ASPH: variants seen among roughly 807,000 people sequenced by gnomAD.
ASPH encodes the protein aspartate beta-hydroxylase, also known as aspartyl/asparaginyl beta-hydroxylase.
In ASPH, 100 loss-of-function variants were observed where a neutral mutation model predicts 118.4. The observed-to-expected ratio is 0.84, with a 90% confidence interval of 0.72 to 1.00. The LOEUF (loss-of-function observed/expected upper bound fraction) is 1.00, where lower values mean the gene tolerates loss of function less well. ASPH is among the 50% of genes least tolerant of loss of function. The pLI, the probability that ASPH is intolerant of heterozygous loss-of-function variation, is 0.00. For synonymous variants in ASPH, 315 were observed against 325.6 expected (o/e 0.97, Z 0.35); for missense variants, 920 against 919.5 (o/e 1.00, Z -0.01).
intron 14 of ASPH, among the ~76,000 whole-genome samples, chr8:61,616,440 C>T (rs552105214): frequency 2.0e-5 from 3 of 152,326 alleles, no homozygotes; most frequent in Admixed American, 6.5e-5. Flanking sequence ...GCCCACCATT[C>T]GGACTCCCTG....
chr8:61,546,129 C>T (rs532970493), intron 21 of ASPH, among the ~76,000 whole-genome samples: 3 of 152,218 alleles, frequency 2.0e-5, no homozygotes, highest in African/African-American at 4.8e-5. Flanking sequence ...CTCTCTCCCC[C>T]TCTCTTCCAG....
At chr8:61,711,260 A>G (rs575858124) in intron 1 of ASPH, among the ~76,000 whole-genome samples, 20 of 152,282 alleles carry the variant, frequency 1.3e-4, no homozygotes, top group African/African-American at 4.8e-4. Flanking sequence ...TCAAAAGGGA[A>G]AAACTAAACA....
intron 14 of ASPH, among the ~76,000 whole-genome samples, chr8:61,618,279 A>G (rs191611657): frequency 5.5e-4 from 84 of 152,324 alleles, no homozygotes; most frequent in Middle Eastern, 3.4e-3. Context: ...TACAAATTAA[A>G]TTAAAAGCAT....
intron 1 of ASPH, among the ~76,000 whole-genome samples, chr8:61,711,072 G>A (rs1423781996): frequency 1.1e-5 from 1 of 90,006 alleles, no homozygotes; most frequent in African/African-American, 5.2e-5. Context: ...AGTATATACA[G>A]ACGGATTAAA....
intron 21 of ASPH, among the ~76,000 whole-genome samples, chr8:61,537,358 T>C (rs899117724): frequency 1.3e-4 from 20 of 152,180 alleles, no homozygotes; most frequent in African/African-American, 4.6e-4. Context: ...TTGCCTATAA[T>C]GTGTATGTGC....
In ASPH at chr8:61,576,795, G is replaced by A. The variant is rs1426858315; in HGVS notation, c.1126C>T (p.Arg376Ter). Residue 376 changes from arginine (R) to a stop codon, truncating the protein, a stop_gained, in exon 16 of 25, where the codon CGA (arginine) becomes TGA (stop). Coordinates refer to ENST00000379454, the MANE Select transcript of ASPH (RefSeq NM_004318.4). LOFTEE classifies it high-confidence loss of function. ...ACCTGCGCCTTCCCATATCTTGCTC[G>A]TGGACTCTGAGGGTATTTGCGTACT... is the stretch of plus-strand genomic sequence containing the variant. ...ELVRKYPQSPRARYGKAQCED... is the reference protein window; with the variant it reads ...ELVRKYPQSP The A allele has an allele frequency of 4.3e-6, 7 of 1,609,306 alleles. No individual in the cohort carries two copies. The highest frequency in any genetic ancestry group is 2.7e-5 in the African/African-American group (2 of 74,894).
At chr8:61,519,468 T>G (rs1012941266) in intron 22 of ASPH, among the ~76,000 whole-genome samples, 1 of 152,216 alleles carries the variant, frequency 6.6e-6, no homozygotes, top group African/African-American at 2.4e-5. Context: ...ACTGTACTTA[T>G]TTTTTCCCCT....
intron 13 of ASPH, chr8:61,631,983 A>C (rs1402169841): frequency 1.3e-5 from 2 of 153,790 alleles, no homozygotes; most frequent in African/African-American, 4.8e-5. Context: ...ATGGGGTGAC[A>C]GATGTCACAG....
At chr8:61,650,865 T>C (rs182657014) in intron 5 of ASPH, among the ~76,000 whole-genome samples, 185 bp downstream of exon 5, 6 of 152,360 alleles carry the variant, frequency 3.9e-5, no homozygotes, top group Admixed American at 2.6e-4. Flanking sequence ...CACGGTGAAG[T>C]AGAATAAAGT....
At chr8:61,512,934 G>C (rs1809466260) in intron 24 of ASPH, among the ~76,000 whole-genome samples, 1 of 152,122 alleles carries the variant, frequency 6.6e-6, no homozygotes, top group Non-Finnish European at 1.5e-5. Flanking sequence ...TTATGTGTGA[G>C]GGACGTGTAT....
chr8:61,694,061 T>C (rs1364421104), intron 1 of ASPH, among the ~76,000 whole-genome samples: 1 of 152,190 alleles, frequency 6.6e-6, no homozygotes, highest in Non-Finnish European at 1.5e-5. Flanking sequence ...TGCCATTCTT[T>C]ATGATGACTA....
At chr8:61,710,340 G>C (rs1212565708) in intron 1 of ASPH, among the ~76,000 whole-genome samples, 2 of 152,268 alleles carry the variant, frequency 1.3e-5, no homozygotes, top group East Asian at 3.9e-4. Context: ...CAGGGGCTAA[G>C]TATCTGATAT....
intron 16 of ASPH, among the ~76,000 whole-genome samples, chr8:61,567,907 G>A (rs1832279392): frequency 6.6e-6 from 1 of 152,166 alleles, no homozygotes; most frequent in South Asian, 2.1e-4. Flanking sequence ...ATTTAATCAG[G>A]ATAATTGGGG....
intron 11 of ASPH, 149 bp downstream of exon 11, chr8:61,638,173 C>A (rs1858729403): frequency 2.8e-5 from 34 of 1,202,530 alleles, no homozygotes; most frequent in Non-Finnish European, 3.8e-5. Flanking sequence ...AGAATATTAA[C>A]TTTAATTTTG....
rs1189162285 is a variant in ASPH, at chr8:61,714,450, T to TGGC, written c.-82_-80dup. 17 of 1,357,728 alleles carry TGGC rather than the reference T, an allele frequency of 1.3e-5. No individual in the cohort carries two copies. Among genetic ancestry groups the TGGC allele is most frequent in the East Asian group, 3.1e-5 (1 of 32,162 alleles). 84.1% of individuals were successfully genotyped at this position (1,357,728 alleles called of 1,614,324 possible). On this transcript the variant is annotated 5_prime_UTR_variant, in exon 1 of 25. Coordinates refer to ENST00000379454, the MANE Select transcript of ASPH (RefSeq NM_004318.4). ...GGTACACACGCGACGCGGGAACCGC[T>TGGC]GGCGGCGGCGGGCCGCTGGAGCGGG...
At chr8:61,626,233 C>T (rs749105515) in intron 13 of ASPH, 1 of 1,533,354 alleles carries the variant, frequency 6.5e-7, no homozygotes, top group Admixed American at 2.2e-5. Flanking sequence ...TATGGTTAGG[C>T]TGGTCCTCCT....
At chr8:61,526,408 A>T (rs1476493982) in intron 21 of ASPH, among the ~76,000 whole-genome samples, 1 of 152,138 alleles carries the variant, frequency 6.6e-6, no homozygotes, top group Non-Finnish European at 1.5e-5. Context: ...TTGAAACCAC[A>T]ACCTAAGAAG....
At chr8:61,661,751 T>C (rs778888398) in intron 3 of ASPH, 5 of 353,280 alleles carry the variant, frequency 1.4e-5, no homozygotes. Flanking sequence ...AGTTACAAAC[T>C]TGCATAGCTA....
intron 1 of ASPH, among the ~76,000 whole-genome samples, chr8:61,686,076 A>T (rs540583555): frequency 3.9e-5 from 6 of 152,306 alleles, no homozygotes; most frequent in African/African-American, 1.4e-4. Context: ...TTTTTCTGAC[A>T]TTCTTTAAAT....
Sources: allele counts gnomAD v4.1 joint callset (sites outside exome capture counted in the v4.1 genomes callset), GRCh38; gene constraint gnomAD v4.1.1; transcripts MANE v1.5; gene names NCBI Gene and HGNC (gene_info 2026-07-23, HGNC 2026-07-21).